The following UBASH3A variants were observed in gnomAD, a reference collection of about 807,000 sequenced individuals.
UBASH3A encodes the protein ubiquitin associated and SH3 domain containing A, also known as ubiquitin-associated and SH3 domain-containing protein A.
UBASH3A carries 63 observed loss-of-function variants against 73.5 expected under a neutral mutation model. That is an observed-to-expected ratio of 0.86 (90% CI 0.70 to 1.06). The LOEUF is 1.06. UBASH3A is among the 50% of genes least tolerant of loss of function. The pLI is 0.00. For missense variants in UBASH3A, 860 were observed against 859.0 expected (o/e 1.00, Z -0.02); for synonymous variants, 363 against 351.1 (o/e 1.03, Z -0.38).
intron 1 of UBASH3A, 49 bp from the exon 2 acceptor site, chr21:42,406,259 T>C (rs760287128): frequency 3.2e-6 from 5 of 1,554,034 alleles, no homozygotes; most frequent in East Asian, 2.2e-5. Context: ...CTGACCCTTT[T>C]CCCAAGAATG....
chr21:42,438,145 G>A (rs1261358062), intron 11 of UBASH3A, among the ~76,000 whole-genome samples: 1 of 152,196 alleles, frequency 6.6e-6, no homozygotes, highest in Non-Finnish European at 1.5e-5. Context: ...CTCTTTGTCT[G>A]GGAAGAGGGA....
At chr21:42,438,516 C>G (rs1218933784) in intron 11 of UBASH3A, among the ~76,000 whole-genome samples, 1 of 152,078 alleles carries the variant, frequency 6.6e-6, no homozygotes, top group Non-Finnish European at 1.5e-5. Flanking sequence ...ATCAGCCGGG[C>G]TAGGGGGTCT....
chr21:42,407,882 C>T (rs373838361), intron 2 of UBASH3A, among the ~76,000 whole-genome samples: 14 of 152,212 alleles, frequency 9.2e-5, no homozygotes, highest in African/African-American at 3.4e-4. Context: ...ACAAGTGCAA[C>T]ATTGTATATG....
chr21:42,443,125 C>T, intron 12 of UBASH3A, 187 bp from the exon 13 acceptor site: 1 of 1,397,478 alleles, frequency 7.2e-7, no homozygotes, highest in African/African-American at 1.5e-5. Context: ...AGAATGTGTG[C>T]TGGAGATTGA....
chr21:42,410,167 C>G, intron 3 of UBASH3A: 1 of 701,932 alleles, frequency 1.4e-6, no homozygotes, highest in Middle Eastern at 2.6e-4. Context: ...AGCTCCACAG[C>G]AAAACACAAT....
intron 2 of UBASH3A, among the ~76,000 whole-genome samples, chr21:42,406,992 G>A (rs2052990540): frequency 1.3e-5 from 2 of 152,184 alleles, no homozygotes; most frequent in Non-Finnish European, 1.5e-5. Context: ...GGGGAAGGGA[G>A]TTTACTGGTG....
chr21:42,407,374 G>C (rs141822719), intron 2 of UBASH3A, among the ~76,000 whole-genome samples: 64 of 152,246 alleles, frequency 4.2e-4, no homozygotes, highest in African/African-American at 1.5e-3. Flanking sequence ...AGAAAGTGTA[G>C]GCCACGGGCA....
intron 14 of UBASH3A, among the ~76,000 whole-genome samples, chr21:42,445,920 C>T (rs995077344): frequency 1.3e-5 from 2 of 152,174 alleles, no homozygotes; most frequent in African/African-American, 4.8e-5. Context: ...CCCGGCACCA[C>T]CTGCTCCCAA....
chr21:42,447,066 C>G lies in UBASH3A; in HGVS notation c.1858C>G (p.Leu620Val). 1.2e-6 allele frequency: 2 copies of G among 1,613,364 alleles called. No individual in the cohort carries two copies. Among genetic ancestry groups the G allele is most frequent in the South Asian group, 1.1e-5 (1 of 90,908 alleles). ...TAAAACTCTGTTCCAGATCCCTTCC[C>G]TGGGCATGTGCTTCTGTGAAGAAAA... The part of the protein sequence containing the change: ...FAQLVRKIPS[L>V]GMCFCEENKE... Residue 620 changes from leucine (L) to valine (V), a missense_variant, in exon 15 of 15, where the codon CTG (leucine) becomes GTG (valine). Leu to Val is a conservative substitution (Grantham distance 32). Coordinates refer to ENST00000319294, the MANE Select transcript of UBASH3A (RefSeq NM_018961.4).
chr21:42,439,857 CA>C (rs2053703315), intron 11 of UBASH3A, among the ~76,000 whole-genome samples: 2 of 148,212 alleles, frequency 1.3e-5, no homozygotes, highest in African/African-American at 2.5e-5. Flanking sequence ...ACAACACACA[CA>C]CCACACACAT....
intron 14 of UBASH3A, among the ~76,000 whole-genome samples, chr21:42,445,614 A>T (rs1336156496): frequency 6.6e-6 from 1 of 152,220 alleles, no homozygotes; most frequent in African/African-American, 2.4e-5. Context: ...CAGCAGCCAG[A>T]TGAGAGGTTA....
At chr21:42,426,939 G>A (rs898503175) in intron 8 of UBASH3A, 119 bp downstream of exon 8, 7 of 1,310,884 alleles carry the variant, frequency 5.3e-6, no homozygotes, top group Non-Finnish European at 6.2e-6. Context: ...CATCCTCCCT[G>A]CCCTAGAGCG....
chr21:42,436,259 A>G (rs1174731455), intron 10 of UBASH3A, among the ~76,000 whole-genome samples: 2 of 152,220 alleles, frequency 1.3e-5, no homozygotes, highest in Non-Finnish European at 2.9e-5. Flanking sequence ...ATAGAGTCAT[A>G]GAGTTATAGA....
chr21:42,434,718 A>C lies in UBASH3A; in HGVS notation c.1271-114A>C, dbSNP rs570486073. The C allele has an allele frequency of 7.4e-5, 90 of 1,213,520 alleles. 1 individual carries two copies. Among genetic ancestry groups the C allele is most frequent in the South Asian group, 7.1e-4 (46 of 65,172 alleles). 75.2% of individuals were successfully genotyped at this position (1,213,520 alleles called of 1,614,324 possible). Reference sequence around the variant, plus strand: ...AATGTTCAGAAACAACACAGTTGACAATAATTTCAATAATAACATTGCTGT... The same window carrying C: ...AATGTTCAGAAACAACACAGTTGACCATAATTTCAATAATAACATTGCTGT... On this transcript the variant is annotated intron_variant, in intron 9 of 14. Transcript: ENST00000319294.
chr21:42,411,522 C>T (rs1203030587), intron 3 of UBASH3A, among the ~76,000 whole-genome samples: 1 of 151,946 alleles, frequency 6.6e-6, no homozygotes, highest in Non-Finnish European at 1.5e-5. Context: ...TATAGACATA[C>T]GCAGACACAC....
rs117015911 is a variant in UBASH3A at position 42,423,920 on chromosome 21, C to T, written c.1047-2777C>T. Among the ~76,000 whole-genome samples, 307 of 152,134 alleles carry T rather than the reference C, an allele frequency of 2.0e-3. 1 individual carries two copies. The highest frequency in any genetic ancestry group is 3.3e-3 in the Non-Finnish European group (225 of 67,994). On this transcript the variant is annotated intron_variant, in intron 7 of 14. Transcript: ENST00000319294. ...ACAAGCTGTGATCTGTGCTTATGGG[C>T]CAGTGAGGCAGATGACGGGAGCTGT...
intron 1 of UBASH3A, among the ~76,000 whole-genome samples, chr21:42,405,120 A>G (rs1255340799): frequency 1.3e-5 from 2 of 152,226 alleles, no homozygotes; most frequent in African/African-American, 4.8e-5. Flanking sequence ...AAATTGGGTG[A>G]AGTAACTCTG....
chr21:42,423,642 C>T (rs547664653), intron 7 of UBASH3A, among the ~76,000 whole-genome samples: 121 of 152,272 alleles, frequency 7.9e-4, no homozygotes, highest in Non-Finnish European at 1.4e-3. Flanking sequence ...GATGAGTCAG[C>T]GGCTATGATA....
chr21:42,424,199 G>A (rs2053394659), intron 7 of UBASH3A, among the ~76,000 whole-genome samples: 1 of 151,962 alleles, frequency 6.6e-6, no homozygotes, highest in Non-Finnish European at 1.5e-5. Flanking sequence ...CCAAGCAGCA[G>A]AACCACTGGC....
Sources: allele counts gnomAD v4.1 joint callset (sites outside exome capture counted in the v4.1 genomes callset), GRCh38; gene constraint gnomAD v4.1.1; transcripts MANE v1.5; gene names NCBI Gene and HGNC (gene_info 2026-07-23, HGNC 2026-07-21).